Variants in CELSR1 observed in about 807,000 individuals in gnomAD.
CELSR1 encodes the protein cadherin EGF LAG seven-pass G-type receptor 1.
A neutral mutation model predicts 249.1 loss-of-function variants in CELSR1; 110 were observed. That is an observed-to-expected ratio of 0.44 (90% CI 0.38 to 0.52). The LOEUF (loss-of-function observed/expected upper bound fraction) is 0.52. Among genes scored for constraint, CELSR1 ranks in the 20% least tolerant of loss-of-function variants. The probability of loss-of-function intolerance (pLI) is 0.00; values close to 1 mark genes in which losing one functional copy is unlikely to be tolerated. For missense variants in CELSR1, 4,109 were observed against 4,296.4 expected (o/e 0.96, Z 1.22); for synonymous variants, 2,113 against 1,900.0 (o/e 1.11, Z -2.92).
In CELSR1 at chr22:46,407,192, T is replaced by G. The variant is rs1456450072; in HGVS notation, c.5226+1804A>C. 2.6e-5 allele frequency among the ~76,000 whole-genome samples: 4 copies of G among 152,196 alleles called. No individual in the cohort carries two copies. On this transcript the variant is annotated intron_variant, in intron 9 of 34. Coordinates refer to ENST00000674500, the MANE Select transcript of CELSR1 (RefSeq NM_001378328.1). This position sits in a 1 kb window ranked among gnomAD's most constrained non-coding sequence, Gnocchi z 4.8. The stretch of plus-strand genomic sequence containing the variant: ...AAGTCAGTGCTGCTCTGAGACCATG[T>G]GCACCCAGGTCTCATCACATGGGTG...
chr22:46,531,929 A>G (rs895908589), intron 1 of CELSR1, among the ~76,000 whole-genome samples: 6 of 144,800 alleles, frequency 4.1e-5, no homozygotes, highest in African/African-American at 1.3e-4. Context: ...TCCACAAAGG[A>G]GCAGAGCCAA....
rs759908984 is a variant in CELSR1, at chr22:46,391,250, G to A, written c.6186C>T (p.Gly2062=). The A allele has an allele frequency of 6.2e-6, 10 of 1,613,620 alleles. No individual in the cohort carries two copies. The highest frequency in any genetic ancestry group is 5.9e-6 in the Non-Finnish European group (7 of 1,180,012). ...YNGCPKAFEA[G]IWWPQTKFGQ... ...CGAACTTGGTCTGTGGCCACCAGAT[G>A]CCGGCCTCAAATGCTTTGGGACAGC... Residue 2062 remains glycine (G), a synonymous_variant, in exon 16 of 35, where the codon GGC becomes GGT. Transcript: ENST00000674500. This position sits in a 1 kb window ranked among gnomAD's most constrained non-coding sequence, Gnocchi z 4.3.
chr22:46,457,949 C>T (rs1271965374), intron 2 of CELSR1, among the ~76,000 whole-genome samples: 1 of 152,222 alleles, frequency 6.6e-6, no homozygotes, highest in South Asian at 2.1e-4. Flanking sequence ...CGTGGAGGGG[C>T]GGGATGGCCA....
Position 46,448,214 on chromosome 22 carries a change from G to A in CELSR1, c.4184-8803C>T, listed in dbSNP as rs2079842797. On this transcript the variant is annotated intron_variant, in intron 2 of 34. Coordinates refer to ENST00000674500, the MANE Select transcript of CELSR1 (RefSeq NM_001378328.1). This position sits in a 1 kb window ranked among gnomAD's most constrained non-coding sequence, Gnocchi z 5.7. ...TGAACAAGGAAGGGGGTGCCCAGAG[G>A]GTCTCCACATCATTACATGGAGACT... 6.6e-6 allele frequency among the ~76,000 whole-genome samples: 1 copy of A among 152,178 alleles called. No individual in the cohort carries two copies. Among genetic ancestry groups the A allele is most frequent in the African/African-American group, 2.4e-5 (1 of 41,446 alleles).
rs1238050050 is a variant in CELSR1 at position 46,436,714 on chromosome 22, AC to A, written c.4407-426del. Among the ~76,000 whole-genome samples the A allele has an allele frequency of 6.6e-6, 1 of 151,946 alleles. No individual in the cohort carries two copies. Among genetic ancestry groups the A allele is most frequent in the Non-Finnish European group, 1.5e-5 (1 of 67,998 alleles). On this transcript the variant is annotated intron_variant, in intron 3 of 34. Transcript: ENST00000674500. This position sits in a 1 kb window ranked among gnomAD's most constrained non-coding sequence, Gnocchi z 5.9. ...CAGGCAGGGATGATGCTATGGAAGG[AC>A]CATTCTTATGGCCTCTCCCCCCGGC...
Position 46,512,666 on chromosome 22 carries a change from C to T in CELSR1, c.3544+20961G>A, listed in dbSNP as rs1314575433. ...AATGGCCTCACCACAGGTCCCCCGC[C>T]CCACTCTGCTCCTTCGGATAAGATC... On this transcript the variant is annotated intron_variant, in intron 1 of 34. Coordinates refer to ENST00000674500, the MANE Select transcript of CELSR1 (RefSeq NM_001378328.1). This position sits in a 1 kb window ranked among gnomAD's most constrained non-coding sequence, Gnocchi z 5.2. Among the ~76,000 whole-genome samples the T allele has an allele frequency of 6.6e-6, 1 of 152,200 alleles. No individual in the cohort carries two copies. Among genetic ancestry groups the T allele is most frequent in the East Asian group, 1.9e-4 (1 of 5,194 alleles).
rs1189834128 is a variant in CELSR1, at chr22:46,409,577, G to A, written c.5059+178C>T. Among the ~76,000 whole-genome samples the A allele has an allele frequency of 2.0e-5, 3 of 152,140 alleles. No homozygotes were observed. Among genetic ancestry groups the A allele is most frequent in the Non-Finnish European group, 4.4e-5 (3 of 68,014 alleles). ...GGGGACCCCAGAAGCAGGAGCAGGG[G>A]CTCTGCGGAGGACAGTCTCTTGGAG... On this transcript the variant is annotated intron_variant, in intron 8 of 34. Transcript: ENST00000674500. The surrounding 1 kb of genome is among the most constrained non-coding windows in gnomAD (Gnocchi z 9.8).
chr22:46,515,335 C>T (rs771502950), intron 1 of CELSR1, among the ~76,000 whole-genome samples: 5 of 152,230 alleles, frequency 3.3e-5, no homozygotes, highest in Non-Finnish European at 7.3e-5. Context: ...GGTCTCAGTG[C>T]GTATCACAAA....
At chr22:46,510,840 G>C (rs895607136) in intron 1 of CELSR1, among the ~76,000 whole-genome samples, 1 of 151,954 alleles carries the variant, frequency 6.6e-6, no homozygotes, top group Admixed American at 6.6e-5. Context: ...GGCCGGGTGC[G>C]GTGGCTCATG....
At position 46,378,603 on chromosome 22, in the gene CELSR1, G is replaced by A. The variant is rs2078944341; in HGVS notation, c.7371C>T (p.Ile2457=). ...GGAGGATGCCCACCTCACGCCTGGA[G>A]ATATCCATGAGCACCGCAAAGCTGG... ...HTASFAVLMD[I]SRRENGEVLP... Residue 2457 remains isoleucine, a synonymous_variant, in exon 23 of 35, where the codon ATC becomes ATT. Transcript: ENST00000674500. 6.3e-7 allele frequency: 1 copy of A among 1,579,062 alleles called. No homozygotes were observed. The highest frequency in any genetic ancestry group is 8.6e-7 in the Non-Finnish European group (1 of 1,163,012).
rs1047639727 is a variant in CELSR1 at position 46,429,436 on chromosome 22, G to T, written c.4611+3957C>A. Reference sequence around the variant, plus strand: ...CAAACCTCCCGGCGTGGCTGTGGGCGTGGGGGCTGTGTTGTTCATCTGTGC... The same window carrying T: ...CAAACCTCCCGGCGTGGCTGTGGGCTTGGGGGCTGTGTTGTTCATCTGTGC... On this transcript the variant is annotated intron_variant, in intron 5 of 34. Coordinates refer to ENST00000674500, the MANE Select transcript of CELSR1 (RefSeq NM_001378328.1). The surrounding 1 kb of genome is among the most constrained non-coding windows in gnomAD (Gnocchi z 4.1). Among the ~76,000 whole-genome samples the T allele has an allele frequency of 1.3e-5, 2 of 152,218 alleles. 1 individual carries two copies. The highest frequency in any genetic ancestry group is 1.3e-4 in the Admixed American group (2 of 15,286).
chr22:46,377,356 G>C (rs2078930619), intron 23 of CELSR1, 95 bp from the exon 24 acceptor site: 4 of 1,345,666 alleles, frequency 3.0e-6, no homozygotes, highest in East Asian at 2.5e-5. Flanking sequence ...ACTTGCTTAT[G>C]AAACGATCAA....
intron 1 of CELSR1, among the ~76,000 whole-genome samples, chr22:46,495,480 T>C (rs1270503613): frequency 1.3e-5 from 2 of 152,170 alleles, no homozygotes; most frequent in Non-Finnish European, 2.9e-5. Flanking sequence ...GCCTAGGACA[T>C]AACTGTGCAC....
In CELSR1 at chr22:46,381,577, G is replaced by A. The variant is rs1259477005; in HGVS notation, c.7088+269C>T. The stretch of plus-strand genomic sequence containing the variant: ...GGTCCCTCTGGGCACAAGATGGGGT[G>A]TATGCTGGGGAGGGGGCATTTCTGG... On this transcript the variant is annotated intron_variant, in intron 21 of 34. Coordinates refer to ENST00000674500, the MANE Select transcript of CELSR1 (RefSeq NM_001378328.1). This position sits in a 1 kb window ranked among gnomAD's most constrained non-coding sequence, Gnocchi z 6.0. Among the ~76,000 whole-genome samples, 1 of 152,200 alleles carries A rather than the reference G, an allele frequency of 6.6e-6. No homozygotes were observed. The highest frequency in any genetic ancestry group is 2.4e-5 in the African/African-American group (1 of 41,442).
intron 2 of CELSR1, among the ~76,000 whole-genome samples, chr22:46,449,969 C>T (rs994999797): frequency 6.6e-6 from 1 of 152,204 alleles, no homozygotes; most frequent in African/African-American, 2.4e-5. Flanking sequence ...CATGCTCACA[C>T]ACACTCACAT....
Position 46,534,417 on chromosome 22 carries a change from G to A in CELSR1, c.2754C>T (p.Asp918=), listed in dbSNP as rs2080827245. The change falls in exon 1 of 35, where the codon GAC becomes GAT. Residue 918 remains aspartate (D), a synonymous_variant. Transcript: ENST00000674500. This position sits in a 1 kb window ranked among gnomAD's most constrained non-coding sequence, Gnocchi z 9.7. ...STSILQVSAT[D]RDSGPNGRLL... Reference sequence around the variant, plus strand: ...GACGCCCATTGGGACCTGAGTCCCGGTCCGTGGCAGAGACCTGGAGGATGC... The same window carrying A: ...GACGCCCATTGGGACCTGAGTCCCGATCCGTGGCAGAGACCTGGAGGATGC... The A allele has an allele frequency of 6.2e-7, 1 of 1,612,942 alleles. No homozygotes were observed. Among genetic ancestry groups the A allele is most frequent in the Non-Finnish European group, 8.5e-7 (1 of 1,180,016 alleles).
intron 5 of CELSR1, among the ~76,000 whole-genome samples, chr22:46,431,537 G>A (rs990314222): frequency 4.6e-5 from 7 of 152,136 alleles, no homozygotes; most frequent in African/African-American, 1.4e-4. Context: ...ATGGGGCACC[G>A]TCTCCAGGGT....
chr22:46,390,968 G>A lies in CELSR1; in HGVS notation c.6250+218C>T, dbSNP rs1249866323. On this transcript the variant is annotated intron_variant, in intron 16 of 34. Transcript: ENST00000674500. This position sits in a 1 kb window ranked among gnomAD's most constrained non-coding sequence, Gnocchi z 6.3. ...CAGGGACTGGCCGGGCCTGACTGGC[G>A]GGCGTCCCCACACGCGCTGCACTGT... Among the ~76,000 whole-genome samples, 1 of 152,186 alleles carries A rather than the reference G, an allele frequency of 6.6e-6. No homozygotes were observed. Among genetic ancestry groups the A allele is most frequent in the Non-Finnish European group, 1.5e-5 (1 of 68,028 alleles).
At position 46,471,252 on chromosome 22, in the gene CELSR1, G is replaced by GT. The variant is rs1312896189; in HGVS notation, c.3545-6908dup. Reference sequence around the variant, plus strand: ...TGGTTCTGTCTGCATTGCTGATTTTGTTTTTTGTTTGTTTTTATAAAACTT... The same window carrying GT: ...TGGTTCTGTCTGCATTGCTGATTTTGTTTTTTTGTTTGTTTTTATAAAACTT... On this transcript the variant is annotated intron_variant, in intron 1 of 34. Transcript: ENST00000674500. This position sits in a 1 kb window ranked among gnomAD's most constrained non-coding sequence, Gnocchi z 4.9. Among the ~76,000 whole-genome samples the GT allele has an allele frequency of 6.6e-6, 1 of 152,132 alleles. No homozygotes were observed. Among genetic ancestry groups the GT allele is most frequent in the Non-Finnish European group, 1.5e-5 (1 of 68,008 alleles).
Sources: allele counts gnomAD v4.1 joint callset (sites outside exome capture counted in the v4.1 genomes callset), GRCh38; gene constraint gnomAD v4.1.1; non-coding constraint Gnocchi (gnomAD v3.1); transcripts MANE v1.5; gene names NCBI Gene and HGNC (gene_info 2026-07-23, HGNC 2026-07-21).